SYNC: variants seen among roughly 807,000 people sequenced by gnomAD.
SYNC encodes the protein syncoilin.
A neutral mutation model predicts 49.5 loss-of-function variants in SYNC; 38 were observed. The ratio of observed to expected loss-of-function variants is 0.77; its 90% CI spans 0.59 to 1.01. The LOEUF is 1.01. SYNC is among the 50% of genes least tolerant of loss of function. The pLI is 0.00. For missense variants in SYNC, 579 were observed against 580.6 expected, an observed-to-expected ratio of 1.00 and a Z score of 0.03; for synonymous variants, 201 against 230.8, an observed-to-expected ratio of 0.87 and a Z score of 1.17.
chr1:32,686,220 G>T (rs1649821691), intron 2 of SYNC: 1 of 152,176 alleles, frequency 6.6e-6, no homozygotes, highest in Admixed American at 6.5e-5. Flanking sequence ...AATTTCATCT[G>T]TTTCTTTTTT....
rs372285843 is a variant in SYNC at position 32,680,357 on chromosome 1, G to GTTTTTTTTT, written c.*1484_*1492dup. The GTTTTTTTTT allele has an allele frequency of 2.6e-6, 2 of 771,604 alleles. No individual in the cohort carries two copies. Among genetic ancestry groups the GTTTTTTTTT allele is most frequent in the Non-Finnish European group, 3.2e-6 (2 of 622,250 alleles). The allele number at this position is 771,604 out of a possible 1,614,324, so 47.8% of individuals were successfully genotyped here. A position where few individuals can be genotyped will look rare whatever the true frequency, so the allele number is the denominator to read the frequency against. ...AATGGTGTTTTTTTTTTTGTTGTTG[G>GTTTTTTTTT]TTTTTTTTTTTTTTTTTTTAACTTG... On this transcript the variant is annotated 3_prime_UTR_variant, in exon 5 of 5. Coordinates refer to ENST00000409190, the MANE Select transcript of SYNC (RefSeq NM_030786.3).
chr1:32,701,634 A>G (rs777926787), intron 1 of SYNC, among the ~76,000 whole-genome samples: 31 of 152,156 alleles, frequency 2.0e-4, no homozygotes, highest in South Asian at 4.1e-4. Context: ...TGCTGCCCTC[A>G]CACAGCCGCC....
rs1422954113 is a variant in SYNC at position 32,689,946 on chromosome 1, A to C, written c.1233+4919T>G. On this transcript the variant is annotated intron_variant, in intron 2 of 4. Transcript: ENST00000409190. ...CAGAGTGAGACACCGTCACAAAAAA[A>C]AAAAAAAAAAAGTAAGTTGATGAAA... 5.7e-4 allele frequency among the ~76,000 whole-genome samples: 87 copies of C among 152,060 alleles called. No individual in the cohort carries two copies. The Middle Eastern group carries it at 0.01, about 18-fold the overall frequency.
rs755842604 is a variant in SYNC, at chr1:32,695,341, A to G, written c.757T>C (p.Cys253Arg). ...KQKLFKVTKE[C>R]VAYQYQLECR... ...TCCAGCTGGTATTGGTAGGCCACAC[A>G]TTCCTTTGTCACTTTGAAAAGCTTC... Residue 253 changes from cysteine to arginine, a missense_variant, in exon 2 of 5, where the codon TGT (cysteine) becomes CGT (arginine). Physicochemically the swap from Cys to Arg is radical, Grantham distance 180 (BLOSUM62 -3). Transcript: ENST00000409190. 1.8e-5 allele frequency: 28 copies of G among 1,551,336 alleles called. No homozygotes were observed. The African/African-American group carries it at 2.9e-4, about 16-fold the overall frequency.
intron 1 of SYNC, among the ~76,000 whole-genome samples, chr1:32,698,936 A>T (rs1331986356): frequency 1.3e-5 from 2 of 151,204 alleles, no homozygotes; most frequent in African/African-American, 2.4e-5. Context: ...ACGTAGCGCC[A>T]CACCCGCTAA....
chr1:32,698,510 C>T (rs1435831298), intron 1 of SYNC, among the ~76,000 whole-genome samples: 1 of 152,126 alleles, frequency 6.6e-6, no homozygotes, highest in Non-Finnish European at 1.5e-5. Context: ...CAAAACCAAA[C>T]TCTGTATCAA....
chr1:32,687,852 A>ATTATTATTATTATTG (rs957479311), intron 2 of SYNC, among the ~76,000 whole-genome samples: 1 of 31,116 alleles, frequency 3.2e-5, no homozygotes. Context: ...TATTATTATT[A>ATTATTATTATTATTG]TTATTATTAT....
rs899472664 is a variant in SYNC at position 32,680,344 on chromosome 1, T to TG, written c.*1505_*1506insC. On this transcript the variant is annotated 3_prime_UTR_variant, in exon 5 of 5. Coordinates refer to ENST00000409190, the MANE Select transcript of SYNC (RefSeq NM_030786.3). Reference sequence around the variant, plus strand: ...TTCCTGTCTGTGAAATGGTGTTTTTTTTTTTGTTGTTGGTTTTTTTTTTTT... The same window carrying TG: ...TTCCTGTCTGTGAAATGGTGTTTTTTGTTTTTGTTGTTGGTTTTTTTTTTTT... 9 of 1,223,766 alleles carry TG rather than the reference T, an allele frequency of 7.4e-6. No individual in the cohort carries two copies. The highest frequency in any genetic ancestry group is 8.8e-5 in the Admixed American group (2 of 22,654). The allele number at this position is 1,223,766 out of a possible 1,614,324, so 75.8% of individuals were successfully genotyped here.
rs138479784 is a variant in SYNC at position 32,695,558 on chromosome 1, C to T, written c.540G>A (p.Gln180=). The part of the protein sequence containing the change: ...EDLELLEGRF[Q]QCVQAVAQLE... ...GCTGGGCCACAGCTTGGACACACTG[C>T]TGGAAACGCCCCTCTAGCAATTCCA... The change falls in exon 2 of 5, where the codon CAG becomes CAA. Residue 180 remains glutamine (Q), a synonymous_variant. Transcript: ENST00000409190. The T allele has an allele frequency of 3.8e-4, 593 of 1,551,518 alleles. 2 individuals are homozygous for T. In the African/African-American group the frequency reaches 4.0e-3, roughly 10 times the overall value.
At position 32,681,763 on chromosome 1, in the gene SYNC, T is replaced by C. The variant is rs748978544; in HGVS notation, c.*87A>G. On this transcript the variant is annotated 3_prime_UTR_variant, in exon 5 of 5. Coordinates refer to ENST00000409190, the MANE Select transcript of SYNC (RefSeq NM_030786.3). ...CCAAGTTTCTGGCACTCTTGTCTGG[T>C]TGGAAGAGTACATCCAAAGGGTACT... is the stretch of plus-strand genomic sequence containing the variant. The C allele has an allele frequency of 1.2e-6, 2 of 1,609,628 alleles. No individual in the cohort carries two copies. Among genetic ancestry groups the C allele is most frequent in the Non-Finnish European group, 8.5e-7 (1 of 1,176,310 alleles).
At chr1:32,699,237 T>C (rs1396960189) in intron 1 of SYNC, among the ~76,000 whole-genome samples, 1 of 133,946 alleles carries the variant, frequency 7.5e-6, no homozygotes, top group Non-Finnish European at 1.5e-5. Flanking sequence ...CACTGCAACC[T>C]CCTCCTCCTG....
At chr1:32,689,216 G>A (rs535382414) in intron 2 of SYNC, among the ~76,000 whole-genome samples, 112 of 124,176 alleles carry the variant, frequency 9.0e-4, no homozygotes, top group African/African-American at 3.0e-3. Flanking sequence ...GATTACAGGC[G>A]TGAGGCACCT....
At chr1:32,687,680 A>AAG in intron 2 of SYNC, among the ~76,000 whole-genome samples, 1 of 150,418 alleles carries the variant, frequency 6.6e-6, no homozygotes, top group East Asian at 2.0e-4. Flanking sequence ...CAAAAAAAAA[A>AAG]AGAAAAAAAT....
At position 32,684,056 on chromosome 1, in the gene SYNC, A is replaced by G; in HGVS notation, c.1392T>C (p.Ala464=). Reference sequence around the variant, plus strand: ...CACCTGCCTGAGAAGTGGGAGCATCAGCCTGTTCCAGGCTCTTGGGTAGTA... The same window carrying G: ...CACCTGCCTGAGAAGTGGGAGCATCGGCCTGTTCCAGGCTCTTGGGTAGTA... ...AMLLPKSLEQ[A]DAPTSQAGGM... The change falls in exon 4 of 5, where the codon GCT becomes GCC. Residue 464 remains alanine, a synonymous_variant. Coordinates refer to ENST00000409190, the MANE Select transcript of SYNC (RefSeq NM_030786.3). 1 of 1,614,228 alleles carries G rather than the reference A, an allele frequency of 6.2e-7. No homozygotes were observed. Among genetic ancestry groups the G allele is most frequent in the Non-Finnish European group, 8.5e-7 (1 of 1,180,044 alleles).
At chr1:32,686,924 T>A (rs1274894075) in intron 2 of SYNC, among the ~76,000 whole-genome samples, 1 of 152,224 alleles carries the variant, frequency 6.6e-6, no homozygotes, top group Admixed American at 6.5e-5. Flanking sequence ...CTGGCCAAAT[T>A]GGAGTGCCCT....
At position 32,684,107 on chromosome 1, in the gene SYNC, C is replaced by T; in HGVS notation, c.1359-18G>A. On this transcript the variant is annotated intron_variant, in intron 3 of 4. Coordinates refer to ENST00000409190, the MANE Select transcript of SYNC (RefSeq NM_030786.3). ...GCATAGCCCTTTAAAAAGAGAGAGC[C>T]ATTTTCCATGTGTTTTTGGATAAGC... The T allele has an allele frequency of 1.2e-6, 2 of 1,610,976 alleles. No individual in the cohort carries two copies. Among genetic ancestry groups the T allele is most frequent in the South Asian group, 1.1e-5 (1 of 90,758 alleles).
At position 32,694,908 on chromosome 1, in the gene SYNC, G is replaced by A. The variant is rs1182788574; in HGVS notation, c.1190C>T (p.Ala397Val). Reference sequence around the variant, plus strand: ...TTCATCTCGTTTTTGCCTCACAAGTGCGATCTGGTCCTCCAGGTTCCTGTT... The same window carrying A: ...TTCATCTCGTTTTTGCCTCACAAGTACGATCTGGTCCTCCAGGTTCCTGTT... Reference protein sequence around the residue: ...LQNRNLEDQIALVRQKRDEEV... With the variant: ...LQNRNLEDQIVLVRQKRDEEV... Residue 397 changes from alanine to valine, a missense_variant, in exon 2 of 5, where the codon GCA (alanine) becomes GTA (valine). By Grantham distance (64) the Ala-to-Val change is moderately conservative (BLOSUM62 0). Transcript: ENST00000409190. 1 of 1,612,316 alleles carries A rather than the reference G, an allele frequency of 6.2e-7. No homozygotes were observed. Among genetic ancestry groups the A allele is most frequent in the Admixed American group, 1.7e-5 (1 of 59,424 alleles).
At chr1:32,688,147 T>A (rs1187557697) in intron 2 of SYNC, among the ~76,000 whole-genome samples, 1 of 152,204 alleles carries the variant, frequency 6.6e-6, no homozygotes, top group East Asian at 1.9e-4. Context: ...AATTCATTCT[T>A]AAGGTTCAGC....
chr1:32,688,301 T>C (rs1649990263), intron 2 of SYNC, among the ~76,000 whole-genome samples: 1 of 152,158 alleles, frequency 6.6e-6, no homozygotes, highest in African/African-American at 2.4e-5. Flanking sequence ...AAATGCCTTA[T>C]ACCTAACTCA....
Sources: gnomAD v4.1 joint callset for allele counts (sites outside exome capture counted in the v4.1 genomes callset) on GRCh38, gnomAD v4.1.1 for gene constraint, MANE v1.5 for transcripts, NCBI Gene and HGNC (gene_info 2026-07-23, HGNC 2026-07-21) for gene names.